COL21A1: variants seen among roughly 807,000 people sequenced by gnomAD.
The protein encoded by COL21A1 is collagen type XXI alpha 1 chain, also known as collagen alpha-1(XXI) chain.
COL21A1 carries 149 observed loss-of-function variants against 137.9 expected under a neutral mutation model. The ratio of observed to expected loss-of-function variants is 1.08; its 90% CI spans 0.95 to 1.24. The LOEUF is 1.24. COL21A1 is among the 50% of genes most tolerant of loss of function. The pLI is 0.00. For missense variants in COL21A1, 1,167 were observed against 1,158.4 expected, an observed-to-expected ratio of 1.01 and a Z score of -0.11; for synonymous variants, 456 against 391.5, an observed-to-expected ratio of 1.16 and a Z score of -1.95.
chr6:56,286,260 C>T (rs1289624335), intron 1 of COL21A1, among the ~76,000 whole-genome samples: 2 of 152,162 alleles, frequency 1.3e-5, no homozygotes, highest in Non-Finnish European at 2.9e-5. Context: ...CTGAGCACTG[C>T]GCTATCACTG....
intron 1 of COL21A1, among the ~76,000 whole-genome samples, chr6:56,309,139 T>A (rs1764542076): frequency 6.6e-6 from 1 of 151,752 alleles, no homozygotes; most frequent in Non-Finnish European, 1.5e-5. Context: ...GCCTCCCGGG[T>A]TAAGCGATTC....
At chr6:56,098,406 TATATATAA>T (rs1264022787) in intron 17 of COL21A1, among the ~76,000 whole-genome samples, 243 of 18,038 alleles carry the variant, frequency 0.013, 33 homozygotes, top group East Asian at 0.041. Context: ...TATATATAAA[TATATATAA>T]ATATATAAAT....
chr6:56,300,542 C>T (rs1427185656), intron 1 of COL21A1, among the ~76,000 whole-genome samples: 1 of 152,044 alleles, frequency 6.6e-6, no homozygotes, highest in Non-Finnish European at 1.5e-5. Context: ...ACATTAACTT[C>T]TTTCATCAAA....
rs1696441956 is a variant in COL21A1, at chr6:56,060,237, C to G, written c.2408-19G>C. 2 of 1,557,930 alleles carry G rather than the reference C, an allele frequency of 1.3e-6. No individual in the cohort carries two copies. Among genetic ancestry groups the G allele is most frequent in the Non-Finnish European group, 1.7e-6 (2 of 1,151,952 alleles). On this transcript the variant is annotated intron_variant, in intron 27 of 29. Transcript: ENST00000244728. ...AGCTGGGCTTTCAAAAACAAAGAAACCCCATCCCTTATGTTTAAATGGTGA... is the reference window on the plus strand; with the variant it reads ...AGCTGGGCTTTCAAAAACAAAGAAAGCCCATCCCTTATGTTTAAATGGTGA...
chr6:56,094,848 G>C (rs1218940629), intron 17 of COL21A1, among the ~76,000 whole-genome samples: 1 of 152,092 alleles, frequency 6.6e-6, no homozygotes, highest in East Asian at 1.9e-4. Context: ...TCTTTCTCTA[G>C]GAAACTTCAG....
At chr6:56,186,181 C>T (rs1778283407) in intron 1 of COL21A1, among the ~76,000 whole-genome samples, 1 of 152,000 alleles carries the variant, frequency 6.6e-6, no homozygotes, top group South Asian at 2.1e-4. Context: ...TAGAGAGATG[C>T]AAGATTGGTT....
At position 56,067,304 on chromosome 6, in the gene COL21A1, T is replaced by G. The variant is rs760553234; in HGVS notation, c.2118A>C (p.Lys706Asn). Residue 706 changes from lysine (K) to asparagine (N), a missense_variant, in exon 23 of 30, where the codon AAA (lysine) becomes AAC (asparagine). Coordinates refer to ENST00000244728, the MANE Select transcript of COL21A1 (RefSeq NM_030820.4). ...KKGDKGNQGE[K>N]GIQGQKGENG... ...AAAGCAAACAACATACCTGAATACC[T>G]TTTTCACCTTGATTTCCTTTGTCCC... 6.2e-7 allele frequency: 1 copy of G among 1,603,178 alleles called. No individual in the cohort carries two copies. The highest frequency in any genetic ancestry group is 1.3e-5 in the African/African-American group (1 of 74,486).
chr6:56,117,551 A>ACATTAGAC (rs940252557), intron 16 of COL21A1, among the ~76,000 whole-genome samples: 49 of 152,062 alleles, frequency 3.2e-4, no homozygotes, highest in African/African-American at 1.2e-3. Flanking sequence ...CAACAAAGAA[A>ACATTAGAC]CATTAGACTT....
rs576297849 is a variant in COL21A1 at position 56,170,974 on chromosome 6, T to A, written c.795A>T (p.Leu265Phe). 6.2e-7 allele frequency: 1 copy of A among 1,603,296 alleles called. No individual in the cohort carries two copies. Among genetic ancestry groups the A allele is most frequent in the Admixed American group, 1.7e-5 (1 of 58,212 alleles). Residue 265 changes from leucine (L) to phenylalanine (F), a missense_variant, in exon 4 of 30, where the codon TTA becomes TTT. Coordinates refer to ENST00000244728, the MANE Select transcript of COL21A1 (RefSeq NM_030820.4). The part of the protein sequence containing the change: ...KGYEVTSKVD[L>F]SELTSNVFPE... ...ATAATGCATACCTTGTGAGTTCTGA[T>A]AAATCAACTTTTGATGTTACTTCAT...
chr6:56,135,694 T>TAAA (rs1250349262), intron 12 of COL21A1, among the ~76,000 whole-genome samples: 2 of 152,302 alleles, frequency 1.3e-5, no homozygotes, highest in East Asian at 1.9e-4. Flanking sequence ...ATAATAATAA[T>TAAA]AAATAAAGAA....
intron 1 of COL21A1, among the ~76,000 whole-genome samples, chr6:56,307,748 A>C (rs962340497): frequency 1.3e-5 from 2 of 151,574 alleles, no homozygotes; most frequent in African/African-American, 4.9e-5. Context: ...GCTTTCCGAC[A>C]CTCCCCAGTG....
intron 4 of COL21A1, 45 bp downstream of exon 4, chr6:56,170,915 C>G: frequency 1.9e-6 from 3 of 1,588,448 alleles, no homozygotes; most frequent in Non-Finnish European, 2.6e-6. Flanking sequence ...GACATGTCCA[C>G]AGACATATCC....
intron 1 of COL21A1, among the ~76,000 whole-genome samples, chr6:56,232,975 C>A (rs1781672455): frequency 6.6e-6 from 1 of 151,926 alleles, no homozygotes; most frequent in Non-Finnish European, 1.5e-5. Context: ...TAAAAGAATT[C>A]TCAGAGCAGG....
intron 1 of COL21A1, among the ~76,000 whole-genome samples, chr6:56,194,525 C>A (rs989038596): frequency 1.1e-4 from 17 of 152,048 alleles, no homozygotes; most frequent in African/African-American, 4.1e-4. Flanking sequence ...TGCTAACATG[C>A]ACCAAAGTTT....
intron 17 of COL21A1, among the ~76,000 whole-genome samples, chr6:56,084,219 T>A (rs9357885): frequency 0.52 from 74,027 of 141,556 alleles, 18,719 homozygotes; most frequent in East Asian, 0.8. Flanking sequence ...GCAGAAAAAA[T>A]ATATATATAT....
At chr6:56,264,824 T>G (rs1366708543) in intron 1 of COL21A1, among the ~76,000 whole-genome samples, 1 of 152,248 alleles carries the variant, frequency 6.6e-6, no homozygotes, top group Non-Finnish European at 1.5e-5. Flanking sequence ...ATCTATCCAC[T>G]TCTATCCTTC....
At chr6:56,260,659 TGAAGGAAG>T (rs1227878397) in intron 1 of COL21A1, among the ~76,000 whole-genome samples, 19 of 75,636 alleles carry the variant, frequency 2.5e-4, no homozygotes, top group Non-Finnish European at 4.9e-4. Context: ...AAGGAAGGAA[TGAAGGAAG>T]GAAGGAAGGA....
chr6:56,168,985 C>A (rs1286830306), intron 5 of COL21A1, among the ~76,000 whole-genome samples: 1 of 151,978 alleles, frequency 6.6e-6, no homozygotes, highest in Non-Finnish European at 1.5e-5. Flanking sequence ...ACGTATGCAA[C>A]AAAATAAACT....
intron 3 of COL21A1, among the ~76,000 whole-genome samples, chr6:56,172,875 C>A (rs1480066658): frequency 6.6e-6 from 1 of 151,724 alleles, no homozygotes; most frequent in Non-Finnish European, 1.5e-5. Flanking sequence ...CATGTAACCC[C>A]TATGATAACC....
Sources: allele counts gnomAD v4.1 joint callset (sites outside exome capture counted in the v4.1 genomes callset), GRCh38; gene constraint gnomAD v4.1.1; transcripts MANE v1.5; gene names NCBI Gene and HGNC (gene_info 2026-07-23, HGNC 2026-07-21).